ARB2A: variants seen among roughly 807,000 people sequenced by gnomAD.
ARB2A encodes cotranscriptional regulator ARB2A.
At chr5:93,869,007 G>C in the ARB2A span, among the ~76,000 whole-genome samples, 1 of 152,092 alleles carries the variant, frequency 6.6e-6, no homozygotes, top group East Asian at 1.9e-4. Flanking sequence ...ATCGCAACCT[G>C]GTGTAGCGGG....
the ARB2A span, among the ~76,000 whole-genome samples, chr5:93,914,237 T>C: frequency 2.5e-4 from 38 of 152,084 alleles, no homozygotes; most frequent in Non-Finnish European, 4.9e-4. Context: ...ATGGCTAATA[T>C]AGAGCTATGA....
At chr5:93,780,836 G>A in the ARB2A span, among the ~76,000 whole-genome samples, 2 of 152,074 alleles carry the variant, frequency 1.3e-5, no homozygotes, top group African/African-American at 2.4e-5. Flanking sequence ...TGGGATTACC[G>A]GTGTGAGCCA....
At chr5:93,965,096 C>A in the ARB2A span, among the ~76,000 whole-genome samples, 1 of 152,060 alleles carries the variant, frequency 6.6e-6, no homozygotes, top group East Asian at 1.9e-4. Flanking sequence ...ATTAAATGAA[C>A]CAACAGATAT....
At chr5:93,979,515 T>A in the ARB2A span, among the ~76,000 whole-genome samples, 1 of 152,076 alleles carries the variant, frequency 6.6e-6, no homozygotes. Flanking sequence ...AAAAAGCAAA[T>A]GTTGATGCTC....
chr5:93,995,488 T>A, the ARB2A span, among the ~76,000 whole-genome samples: 1 of 152,228 alleles, frequency 6.6e-6, no homozygotes, highest in African/African-American at 2.4e-5. Context: ...TAGTTTCATG[T>A]CTGCAGCTGT....
the ARB2A span, among the ~76,000 whole-genome samples, chr5:93,772,125 C>T: frequency 5.9e-5 from 9 of 152,162 alleles, no homozygotes; most frequent in East Asian, 1.4e-3. Context: ...ACTATGCAGC[C>T]GTAAAAAATG....
the ARB2A span, among the ~76,000 whole-genome samples, chr5:94,003,272 T>G: frequency 6.6e-6 from 1 of 152,204 alleles, no homozygotes; most frequent in African/African-American, 2.4e-5. Context: ...AAAGACTAAA[T>G]GTTTTATTCT....
chr5:94,016,005 G>A, the ARB2A span, among the ~76,000 whole-genome samples: 2 of 152,246 alleles, frequency 1.3e-5, no homozygotes, highest in East Asian at 3.9e-4. Flanking sequence ...TGCTCAATGG[G>A]TAAGAAACAA....
At chr5:93,709,700 TA>T in the ARB2A span, among the ~76,000 whole-genome samples, 2 of 148,128 alleles carry the variant, frequency 1.4e-5, no homozygotes, top group Non-Finnish European at 3.0e-5. Flanking sequence ...GCAGATTATA[TA>T]TATTTAGTTT....
the ARB2A span, among the ~76,000 whole-genome samples, chr5:93,855,034 A>G: frequency 1.3e-5 from 2 of 152,054 alleles, no homozygotes; most frequent in Admixed American, 1.3e-4. Flanking sequence ...TGTCTTGTTG[A>G]TATGTCTAAT....
the ARB2A span, chr5:93,824,261 C>T: frequency 3.2e-6 from 5 of 1,572,996 alleles, no homozygotes; most frequent in Non-Finnish European, 3.5e-6. Context: ...TCAGGAGAAC[C>T]ATTTTCCTAT....
At chr5:93,838,935 G>A in the ARB2A span, among the ~76,000 whole-genome samples, 5 of 152,152 alleles carry the variant, frequency 3.3e-5, no homozygotes, top group Non-Finnish European at 7.4e-5. Flanking sequence ...TCAGATCAAG[G>A]AGCTTTTGGG....
At chr5:94,006,870 T>C in the ARB2A span, among the ~76,000 whole-genome samples, 1 of 152,218 alleles carries the variant, frequency 6.6e-6, no homozygotes, top group Admixed American at 6.5e-5. Flanking sequence ...TCACTGTTTC[T>C]TCCTCAACAG....
chr5:93,771,668 A>ATTTG, the ARB2A span, among the ~76,000 whole-genome samples: 5 of 152,240 alleles, frequency 3.3e-5, no homozygotes, highest in African/African-American at 1.2e-4. Context: ...CACTTCTCAA[A>ATTTG]AGAAGACATT....
At chr5:94,032,362 G>A in the ARB2A span, among the ~76,000 whole-genome samples, 2 of 152,146 alleles carry the variant, frequency 1.3e-5, no homozygotes, top group African/African-American at 4.8e-5. Flanking sequence ...CATGGCAAGA[G>A]CCAGAGCCAG....
the ARB2A span, among the ~76,000 whole-genome samples, chr5:94,016,775 C>T: frequency 3.3e-5 from 5 of 152,128 alleles, no homozygotes; most frequent in Non-Finnish European, 5.9e-5. Context: ...CTCAGCTTCT[C>T]CTTATGGGTT....
At chr5:93,760,377 T>C in the ARB2A span, among the ~76,000 whole-genome samples, 8 of 152,256 alleles carry the variant, frequency 5.3e-5, no homozygotes, top group South Asian at 1.7e-3. Context: ...CCACCATCAT[T>C]CTTCACAGAA....
chr5:93,762,082 T>TA, the ARB2A span, among the ~76,000 whole-genome samples: 1 of 151,966 alleles, frequency 6.6e-6, no homozygotes, highest in Non-Finnish European at 1.5e-5. Flanking sequence ...CAAAGGTAGA[T>TA]AAAACCACAA....
chr5:93,971,098 A>C, the ARB2A span, among the ~76,000 whole-genome samples: 1 of 151,806 alleles, frequency 6.6e-6, no homozygotes, highest in African/African-American at 2.4e-5. Flanking sequence ...TCCTGGGTTC[A>C]CGCCATTCTC....
Sources: gnomAD v4.1 joint callset for allele counts (sites outside exome capture counted in the v4.1 genomes callset) on GRCh38, gnomAD v4.1.1 for gene constraint, MANE v1.5 for transcripts, NCBI Gene and HGNC (gene_info 2026-07-23, HGNC 2026-07-21) for gene names.